MKLN1: variants seen among roughly 807,000 people sequenced by gnomAD.
MKLN1 encodes muskelin 1.
In MKLN1, 18 loss-of-function variants were observed where a neutral mutation model predicts 99.0. The ratio of observed to expected loss-of-function variants is 0.18; its 90% CI spans 0.13 to 0.27. The LOEUF is 0.27. Among genes scored for constraint, MKLN1 ranks in the 10% least tolerant of loss-of-function variants. MKLN1 has a pLI of 1.00. For missense variants in MKLN1, 621 were observed against 875.9 expected (o/e 0.71, Z 3.67); for synonymous variants, 288 against 293.2 (o/e 0.98, Z 0.18).
At chr7:131,430,472 C>A (rs1026551875) in intron 9 of MKLN1, among the ~76,000 whole-genome samples, 11 of 151,650 alleles carry the variant, frequency 7.3e-5, no homozygotes, top group Non-Finnish European at 1.5e-4. Context: ...AAAAAAAAAA[C>A]TAACTTTTTT....
chr7:131,480,866 A>C (rs1797103135), intron 17 of MKLN1, among the ~76,000 whole-genome samples: 1 of 152,240 alleles, frequency 6.6e-6, no homozygotes, highest in South Asian at 2.1e-4. Flanking sequence ...ATAGCACTAA[A>C]CTATCTCTAA....
chr7:131,239,388 T>C (rs1016575087), intron 3 of MKLN1, among the ~76,000 whole-genome samples: 1 of 151,854 alleles, frequency 6.6e-6, no homozygotes, highest in African/African-American at 2.4e-5. Flanking sequence ...TCATAGCTCA[T>C]ATCTCACTGC....
chr7:131,381,153 C>T (rs115956350), intron 2 of MKLN1, among the ~76,000 whole-genome samples: 1,828 of 152,248 alleles, frequency 0.012, 36 homozygotes, highest in African/African-American at 0.041. Flanking sequence ...CTCCATAAGG[C>T]ATATCATTTA....
At chr7:131,313,008 A>G (rs184710989) in intron 3 of MKLN1, among the ~76,000 whole-genome samples, 15 of 152,350 alleles carry the variant, frequency 9.8e-5, no homozygotes, top group Non-Finnish European at 2.9e-5. Flanking sequence ...ACATAAGCTC[A>G]TAGACAAATT....
intron 3 of MKLN1, among the ~76,000 whole-genome samples, chr7:131,229,099 A>T (rs1006846998): frequency 6.6e-6 from 1 of 152,168 alleles, no homozygotes; most frequent in African/African-American, 2.4e-5. Context: ...AAGGTGTGAC[A>T]TCTGGAAGCA....
chr7:131,113,667 C>CAAAAAAAA (rs71168363), intron 1 of MKLN1, among the ~76,000 whole-genome samples: 17 of 96,422 alleles, frequency 1.8e-4, no homozygotes, highest in East Asian at 2.9e-4. Flanking sequence ...TACAAAAATA[C>CAAAAAAAA]AAAAAAAAAA....
chr7:131,313,549 G>A (rs762353887), intron 3 of MKLN1, among the ~76,000 whole-genome samples: 22 of 152,204 alleles, frequency 1.4e-4, no homozygotes, highest in Admixed American at 5.2e-4. Context: ...GCTGAAGCTC[G>A]TACTGAGTTT....
At chr7:131,211,538 T>C (rs1303820412) in intron 3 of MKLN1, among the ~76,000 whole-genome samples, 2 of 152,162 alleles carry the variant, frequency 1.3e-5, no homozygotes, top group African/African-American at 4.8e-5. Flanking sequence ...ACCATGATGC[T>C]TGGGGTTTTT....
intron 16 of MKLN1, among the ~76,000 whole-genome samples, chr7:131,477,073 T>G (rs1349594764): frequency 1.3e-5 from 2 of 152,130 alleles, no homozygotes; most frequent in Non-Finnish European, 2.9e-5. Flanking sequence ...TGATTACAGG[T>G]CTAAATATAA....
chr7:131,281,309 G>A (rs961359478), intron 3 of MKLN1, among the ~76,000 whole-genome samples: 3 of 151,250 alleles, frequency 2.0e-5, no homozygotes, highest in Non-Finnish European at 4.4e-5. Flanking sequence ...TTTCCCTATC[G>A]AATTGTCTTG....
At chr7:131,478,503 CA>C in intron 16 of MKLN1, 119 bp from the exon 17 acceptor site, 2 of 989,050 alleles carry the variant, frequency 2.0e-6, no homozygotes, top group Non-Finnish European at 2.8e-6. Context: ...ACCTATGTCA[CA>C]CATATGCAGA....
chr7:131,389,445 C>A (rs1323807737), intron 4 of MKLN1, among the ~76,000 whole-genome samples: 1 of 151,600 alleles, frequency 6.6e-6, no homozygotes, highest in Admixed American at 6.6e-5. Flanking sequence ...CAGTTGTGTT[C>A]TTTTATTTTA....
chr7:131,123,171 A>G (rs1795402790), intron 1 of MKLN1, among the ~76,000 whole-genome samples: 1 of 152,190 alleles, frequency 6.6e-6, no homozygotes, highest in Admixed American at 6.5e-5. Flanking sequence ...AAATTTTAGG[A>G]AATACAGTAA....
intron 2 of MKLN1, among the ~76,000 whole-genome samples, chr7:131,167,327 G>A (rs530540698): frequency 3.3e-5 from 5 of 152,156 alleles, no homozygotes; most frequent in East Asian, 3.9e-4. Context: ...CTCCTGCAAC[G>A]TTTTATGTTT....
chr7:131,263,758 CAG>C (rs1166347479), intron 3 of MKLN1, among the ~76,000 whole-genome samples: 1 of 151,806 alleles, frequency 6.6e-6, no homozygotes, highest in Non-Finnish European at 1.5e-5. Context: ...TTAGTAGAGA[CAG>C]GGTTTCACCA....
chr7:131,122,796 C>T (rs1360767210), intron 1 of MKLN1, among the ~76,000 whole-genome samples: 2 of 151,720 alleles, frequency 1.3e-5, no homozygotes, highest in Admixed American at 6.6e-5. Flanking sequence ...CCGAGGCGGG[C>T]GGATCACGAG....
At chr7:131,466,233 A>G (rs1168958175) in intron 14 of MKLN1, 43 bp from the exon 15 acceptor site, 5 of 1,410,016 alleles carry the variant, frequency 3.5e-6, no homozygotes, top group African/African-American at 2.8e-5. Context: ...TATCTTGGGT[A>G]TGCATGCATT....
At chr7:131,415,544 TA>T (rs1794995190) in intron 8 of MKLN1, among the ~76,000 whole-genome samples, 1 of 152,174 alleles carries the variant, frequency 6.6e-6, no homozygotes, top group African/African-American at 2.4e-5. Flanking sequence ...AATTTAAAAT[TA>T]AAAGCTAAAT....
chr7:131,126,137 G>A lies in MKLN1; in HGVS notation c.-419+15930G>A, dbSNP rs537153355. Among the ~76,000 whole-genome samples, 3 of 152,108 alleles carry A rather than the reference G, an allele frequency of 2.0e-5. No individual in the cohort carries two copies. The South Asian group carries it at 6.2e-4, about 32-fold the overall frequency. ...TGGAAGTGTTCAATTAAGCTTGTAC[G>A]TTTGAAGGACATGTACAAAAGGCAG... On this transcript the variant is annotated intron_variant, in intron 1 of 7. Transcript: ENST00000416992.
Sources: gnomAD v4.1 joint callset for allele counts (sites outside exome capture counted in the v4.1 genomes callset) on GRCh38, gnomAD v4.1.1 for gene constraint, MANE v1.5 for transcripts, NCBI Gene and HGNC (gene_info 2026-07-23, HGNC 2026-07-21) for gene names.